Variants in MAGI2 observed in about 807,000 individuals in gnomAD.
MAGI2 encodes membrane associated guanylate kinase, WW and PDZ domain containing 2, also known as membrane-associated guanylate kinase, WW and PDZ domain-containing protein 2.
A neutral mutation model predicts 133.3 loss-of-function variants in MAGI2; 35 were observed. The ratio of observed to expected loss-of-function variants is 0.26; its 90% CI spans 0.20 to 0.35. The LOEUF is 0.35. Among genes scored for constraint, MAGI2 ranks in the 10% least tolerant of loss-of-function variants. MAGI2 has a pLI of 1.00. For missense variants in MAGI2, 1,636 were observed against 1,863.4 expected, an observed-to-expected ratio of 0.88 and a Z score of 2.25; for synonymous variants, 729 against 710.6, an observed-to-expected ratio of 1.03 and a Z score of -0.41.
intron 5 of MAGI2, among the ~76,000 whole-genome samples, chr7:78,495,862 G>C (rs1488072370): frequency 2.0e-5 from 3 of 152,042 alleles, no homozygotes; most frequent in Admixed American, 2.0e-4. Context: ...AATTACACCA[G>C]AATCTTGTGC....
At chr7:79,199,461 G>A (rs891421698) in intron 1 of MAGI2, among the ~76,000 whole-genome samples, 5 of 151,930 alleles carry the variant, frequency 3.3e-5, no homozygotes, top group African/African-American at 7.3e-5. Context: ...AATTTGCAGC[G>A]GAGGCATATG....
chr7:78,850,628 A>T (rs1793051627), intron 2 of MAGI2, among the ~76,000 whole-genome samples: 1 of 151,960 alleles, frequency 6.6e-6, no homozygotes, highest in African/African-American at 2.4e-5. Flanking sequence ...TTTTTCCTGG[A>T]TACTCCTGTA....
At chr7:78,504,879 T>C (rs1052208020) in intron 4 of MAGI2, among the ~76,000 whole-genome samples, 3 of 152,130 alleles carry the variant, frequency 2.0e-5, no homozygotes, top group Non-Finnish European at 4.4e-5. Context: ...CCTTGAAAGG[T>C]GCTTATAATT....
intron 6 of MAGI2, among the ~76,000 whole-genome samples, chr7:78,461,749 T>C (rs952531263): frequency 8.6e-5 from 13 of 150,872 alleles, no homozygotes; most frequent in African/African-American, 3.2e-4. Context: ...CCGTCTCTAC[T>C]AAAAACACAA....
At chr7:78,505,547 C>T (rs4730342) in intron 4 of MAGI2, among the ~76,000 whole-genome samples, 100,164 of 152,038 alleles carry the variant, frequency 0.66, 33,629 homozygotes, top group African/African-American at 0.79. Context: ...CAAAATGTCA[C>T]GTTGCACTGA....
At chr7:78,238,051 C>T (rs34816674) in intron 10 of MAGI2, among the ~76,000 whole-genome samples, 44,418 of 152,078 alleles carry the variant, frequency 0.29, 7,560 homozygotes, top group Non-Finnish European at 0.37. Flanking sequence ...TCTTGAAATG[C>T]TTTCCTTCAT....
intron 10 of MAGI2, among the ~76,000 whole-genome samples, chr7:78,233,522 T>TCAC (rs530645802): frequency 1.4e-3 from 215 of 152,210 alleles, no homozygotes; most frequent in African/African-American, 4.7e-3. Flanking sequence ...CCTACAAGAA[T>TCAC]CACTATCTTT....
chr7:78,410,487 C>G (rs180678647), intron 6 of MAGI2, among the ~76,000 whole-genome samples: 5 of 151,954 alleles, frequency 3.3e-5, no homozygotes, highest in Non-Finnish European at 5.9e-5. Flanking sequence ...TTCTCATTGC[C>G]CCCTTTTCCA....
At chr7:79,421,071 G>A (rs1846924018) in intron 1 of MAGI2, among the ~76,000 whole-genome samples, 1 of 151,926 alleles carries the variant, frequency 6.6e-6, no homozygotes, top group Non-Finnish European at 1.5e-5. Flanking sequence ...ACACCAGATA[G>A]AACAACAAAA....
At chr7:78,638,731 A>G (rs1029522128) in intron 2 of MAGI2, among the ~76,000 whole-genome samples, 2 of 152,156 alleles carry the variant, frequency 1.3e-5, no homozygotes, top group African/African-American at 4.8e-5. Flanking sequence ...AATTTCCTGA[A>G]TTTTTTAAGA....
rs952692441 is a variant in MAGI2, at chr7:78,977,411, G to A, written c.418+29679C>T. 2.5e-4 allele frequency among the ~76,000 whole-genome samples: 37 copies of A among 150,702 alleles called. 2 individuals carry two copies. Among genetic ancestry groups the A allele is most frequent in the South Asian group, 2.1e-4 (1 of 4,768 alleles). On this transcript the variant is annotated intron_variant, in intron 2 of 21. Transcript: ENST00000354212. ...AAAGACAGAAAGAGAGAAAGAGAGCGACAGAGAGAGAGAGAGAGAGAAACA... is the reference window on the plus strand; with the variant it reads ...AAAGACAGAAAGAGAGAAAGAGAGCAACAGAGAGAGAGAGAGAGAGAAACA...
In MAGI2 at chr7:79,240,697, T is replaced by G. The variant is rs1832327390; in HGVS notation, c.301+212323A>C. Reference sequence around the variant, plus strand: ...AGGAACAGCTGGTCAGCAGCTGTATTGAGCAGCTTTGCATATACTTGAAGG... The same window carrying G: ...AGGAACAGCTGGTCAGCAGCTGTATGGAGCAGCTTTGCATATACTTGAAGG... On this transcript the variant is annotated intron_variant, in intron 1 of 21. Transcript: ENST00000354212. Among the ~76,000 whole-genome samples, 3 of 152,214 alleles carry G rather than the reference T, an allele frequency of 2.0e-5. No individual in the cohort carries two copies. The South Asian group carries it at 6.2e-4, about 32-fold the overall frequency.
intron 2 of MAGI2, among the ~76,000 whole-genome samples, chr7:78,720,573 T>A (rs921792389): frequency 2.0e-5 from 3 of 152,062 alleles, no homozygotes; most frequent in Non-Finnish European, 4.4e-5. Context: ...ATCTCTTACA[T>A]TTAATAATGA....
At chr7:78,351,639 C>T (rs1791524952) in intron 7 of MAGI2, 1 of 152,008 alleles carries the variant, frequency 6.6e-6, no homozygotes, top group South Asian at 2.1e-4. Context: ...AATTCCAATT[C>T]CCCATCTCTG....
intron 3 of MAGI2, among the ~76,000 whole-genome samples, chr7:78,603,917 G>A (rs1157407): frequency 0.035 from 5,296 of 152,260 alleles, 207 homozygotes; most frequent in African/African-American, 0.082. Flanking sequence ...TATATGACAG[G>A]TACTGTGGTA....
rs1011495742 is a variant in MAGI2 at position 78,765,538 on chromosome 7, G to A, written c.419-138299C>T. Among the ~76,000 whole-genome samples the A allele has an allele frequency of 9.9e-5, 15 of 151,720 alleles. No individual in the cohort carries two copies. In the South Asian group the frequency reaches 2.9e-3, roughly 30 times the overall value. On this transcript the variant is annotated intron_variant, in intron 2 of 21. Coordinates refer to ENST00000354212, the MANE Select transcript of MAGI2 (RefSeq NM_012301.4). Reference sequence around the variant, plus strand: ...TAATTTTTGTACTTTTAGTAGAAACGGGGTTTCTCTATGTTGGCCAGGCTG... The same window carrying A: ...TAATTTTTGTACTTTTAGTAGAAACAGGGTTTCTCTATGTTGGCCAGGCTG...
intron 6 of MAGI2, among the ~76,000 whole-genome samples, chr7:78,441,292 G>A (rs1481736175): frequency 2.6e-5 from 4 of 152,154 alleles, no homozygotes; most frequent in African/African-American, 9.7e-5. Context: ...AGGTAAAAGG[G>A]ATCTGACCTA....
At chr7:78,288,839 G>A (rs1796412492) in intron 9 of MAGI2, among the ~76,000 whole-genome samples, 1 of 152,174 alleles carries the variant, frequency 6.6e-6, no homozygotes, top group African/African-American at 2.4e-5. Context: ...AGGCAAACAG[G>A]GTCTGGAGTG....
chr7:78,785,275 T>G (rs1826721036), intron 2 of MAGI2, among the ~76,000 whole-genome samples: 1 of 152,216 alleles, frequency 6.6e-6, no homozygotes, highest in Non-Finnish European at 1.5e-5. Context: ...TCAGTTTGTT[T>G]AAAAGTCAAT....
Sources: allele counts gnomAD v4.1 joint callset (sites outside exome capture counted in the v4.1 genomes callset), GRCh38; gene constraint gnomAD v4.1.1; transcripts MANE v1.5; gene names NCBI Gene and HGNC (gene_info 2026-07-23, HGNC 2026-07-21).